NTM: variants seen among roughly 807,000 people sequenced by gnomAD.
NTM encodes the protein neurotrimin.
Under a neutral mutation model 42.1 loss-of-function variants are expected in NTM, and 13 were observed. The observed-to-expected ratio is 0.31, with a 90% CI of 0.20 to 0.49. NTM has a LOEUF of 0.49. Ranked by LOEUF, NTM falls within the 20% of genes least tolerant of loss-of-function variation. NTM has a pLI of 0.99. For synonymous variants in NTM, 187 were observed against 179.2 expected, an observed-to-expected ratio of 1.04 and a Z score of -0.35; for missense variants, 373 against 452.8, an observed-to-expected ratio of 0.82 and a Z score of 1.60.
chr11:131,888,499 C>T (rs957017568), intron 1 of NTM, among the ~76,000 whole-genome samples: 31 of 152,102 alleles, frequency 2.0e-4, no homozygotes, highest in African/African-American at 7.2e-4. Context: ...GGTTCAGCCC[C>T]AGGTTTGGTT....
intron 2 of NTM, among the ~76,000 whole-genome samples, chr11:132,065,903 G>A (rs576754082): frequency 1.2e-4 from 18 of 152,168 alleles, no homozygotes; most frequent in Admixed American, 4.6e-4. Context: ...ATTCACATCC[G>A]TCTGATGCCA....
chr11:132,052,123 G>A (rs2078937857), intron 2 of NTM, among the ~76,000 whole-genome samples: 1 of 152,154 alleles, frequency 6.6e-6, no homozygotes, highest in Non-Finnish European at 1.5e-5. Context: ...ATATTGGGGT[G>A]TTAAAGAAAT....
At chr11:131,949,823 T>C (rs2134331983) in intron 2 of NTM, among the ~76,000 whole-genome samples, 1 of 152,336 alleles carries the variant, frequency 6.6e-6, no homozygotes, top group East Asian at 1.9e-4. Context: ...GTGCTGATGT[T>C]GGATGGACAT....
At chr11:132,311,205 C>T (rs1175343888) in intron 6 of NTM, among the ~76,000 whole-genome samples, 5 of 152,184 alleles carry the variant, frequency 3.3e-5, no homozygotes, top group Admixed American at 3.3e-4. Context: ...GGCTTTGTTT[C>T]CTTATGAGGT....
intron 4 of NTM, among the ~76,000 whole-genome samples, chr11:132,295,681 C>T (rs759739571): frequency 2.0e-5 from 3 of 152,108 alleles, no homozygotes; most frequent in Non-Finnish European, 4.4e-5. Flanking sequence ...AGGAACTTCA[C>T]TGGTGTGTCC....
At chr11:131,554,539 CAT>C (rs2055133352) in intron 1 of NTM, among the ~76,000 whole-genome samples, 2 of 136,780 alleles carry the variant, frequency 1.5e-5, no homozygotes, top group Non-Finnish European at 3.2e-5. Context: ...CACACACACA[CAT>C]CTACAAAAAA....
At chr11:131,931,590 C>T (rs188197376) in intron 2 of NTM, among the ~76,000 whole-genome samples, 24 of 151,814 alleles carry the variant, frequency 1.6e-4, no homozygotes, top group African/African-American at 5.6e-4. Context: ...TAGGGCGTTG[C>T]ACTAGGTGAT....
intron 2 of NTM, among the ~76,000 whole-genome samples, chr11:131,991,426 G>T (rs768140687): frequency 2.0e-5 from 3 of 152,100 alleles, no homozygotes; most frequent in Non-Finnish European, 4.4e-5. Context: ...TTGATTAAAT[G>T]ATTACTTTAG....
intron 1 of NTM, among the ~76,000 whole-genome samples, chr11:131,525,455 G>A (rs2136613108): frequency 6.6e-6 from 1 of 152,324 alleles, no homozygotes; most frequent in Non-Finnish European, 1.5e-5. Flanking sequence ...CCAGAAGATA[G>A]CTAGTGCTTC....
intron 1 of NTM, among the ~76,000 whole-genome samples, chr11:131,578,226 T>C (rs771508839): frequency 3.9e-5 from 6 of 152,174 alleles, no homozygotes; most frequent in Non-Finnish European, 7.3e-5. Flanking sequence ...ATGGGCCATA[T>C]CTAAGATAAT....
intron 2 of NTM, among the ~76,000 whole-genome samples, chr11:132,100,318 G>A (rs758052828): frequency 4.6e-5 from 7 of 152,190 alleles, no homozygotes; most frequent in Non-Finnish European, 8.8e-5. Context: ...TGCACTGGAT[G>A]TTGTTTTCCC....
At chr11:131,932,797 G>T (rs1011780077) in intron 2 of NTM, among the ~76,000 whole-genome samples, 1 of 152,220 alleles carries the variant, frequency 6.6e-6, no homozygotes, top group African/African-American at 2.4e-5. Context: ...AGGTACAGAG[G>T]CTGGTTGGAA....
chr11:131,818,632 CCATT>C (rs966468838), intron 1 of NTM, among the ~76,000 whole-genome samples: 1 of 152,118 alleles, frequency 6.6e-6, no homozygotes, highest in Non-Finnish European at 1.5e-5. Flanking sequence ...AACAGAGGTA[CCATT>C]CATTCATTCA....
intron 2 of NTM, among the ~76,000 whole-genome samples, chr11:132,120,096 C>G (rs61902003): frequency 1.6e-3 from 236 of 151,478 alleles, no homozygotes; most frequent in Non-Finnish European, 2.7e-3. Context: ...CTCCCAGTCA[C>G]AGCTTGGTTC....
At chr11:132,274,172 A>G (rs771953819) in intron 4 of NTM, among the ~76,000 whole-genome samples, 1 of 151,884 alleles carries the variant, frequency 6.6e-6, no homozygotes, top group Non-Finnish European at 1.5e-5. Context: ...ATAACCAACA[A>G]TTGATTTTCT....
intron 2 of NTM, among the ~76,000 whole-genome samples, chr11:132,029,727 A>G (rs78431235): frequency 0.05 from 7,541 of 152,260 alleles, 257 homozygotes; most frequent in Non-Finnish European, 0.073. Context: ...AGTTACTACT[A>G]TTTGTTCTTA....
chr11:132,183,423 C>T (rs749284618), intron 3 of NTM, among the ~76,000 whole-genome samples: 6 of 152,158 alleles, frequency 3.9e-5, no homozygotes, highest in East Asian at 1.9e-4. Context: ...AGCATGATAC[C>T]GGGAAGACAC....
intron 1 of NTM, among the ~76,000 whole-genome samples, chr11:131,887,121 C>G (rs533119997): frequency 1.3e-5 from 2 of 152,300 alleles, no homozygotes; most frequent in African/African-American, 4.8e-5. Flanking sequence ...AATGTTCTAA[C>G]AGATTAGATT....
At chr11:131,822,294 A>G (rs1422793132) in intron 1 of NTM, among the ~76,000 whole-genome samples, 1 of 151,908 alleles carries the variant, frequency 6.6e-6, no homozygotes, top group African/African-American at 2.4e-5. Flanking sequence ...TGGCACCTCC[A>G]CAATTCACCT....
Sources: gnomAD v4.1 joint callset for allele counts (sites outside exome capture counted in the v4.1 genomes callset) on GRCh38, gnomAD v4.1.1 for gene constraint, MANE v1.5 for transcripts, NCBI Gene and HGNC (gene_info 2026-07-23, HGNC 2026-07-21) for gene names.